ZNF571: variants seen among roughly 807,000 people sequenced by gnomAD.
ZNF571 encodes the protein zinc finger protein 571.
ZNF571 carries 4 observed loss-of-function variants against 7.7 expected under a neutral mutation model. The observed-to-expected ratio is 0.52, with a 90% CI of 0.25 to 1.18. ZNF571 has a LOEUF of 1.18. ZNF571 is among the 50% of genes most tolerant of loss of function. The pLI is 0.14. For synonymous variants in ZNF571, 251 were observed against 232.4 expected (o/e 1.08, Z -0.73); for missense variants, 704 against 726.9 (o/e 0.97, Z 0.36).
chr19:37,586,698 T>G lies in ZNF571; in HGVS notation c.-22A>C, dbSNP rs1418298563. 1 of 1,614,084 alleles carries G rather than the reference T, an allele frequency of 6.2e-7. No homozygotes were observed. On this transcript the variant is annotated 5_prime_UTR_variant, in exon 2 of 4. Coordinates refer to ENST00000451802, the MANE Select transcript of ZNF571 (RefSeq NM_016536.5). ...GCATGGTTTTTTAGAACTGATCAAT[T>G]TTCTGGGTTCTTCTCCTGGAGGTGT...
Position 37,564,971 on chromosome 19 carries a change from G to C in ZNF571, c.1457C>G (p.Ala486Gly), listed in dbSNP as rs142077997. 9 of 1,612,702 alleles carry C rather than the reference G, an allele frequency of 5.6e-6. No individual in the cohort carries two copies. The highest frequency in any genetic ancestry group is 1.6e-4 in the Middle Eastern group (1 of 6,062). Residue 486 changes from alanine (A) to glycine (G), a missense_variant, in exon 4 of 4, where the codon GCT becomes GGT. Ala to Gly is a moderately conservative substitution (Grantham distance 60). Coordinates refer to ENST00000451802, the MANE Select transcript of ZNF571 (RefSeq NM_016536.5). ...TCTTTGATGATATGTAAGTTGTGTA[G>C]CACGTACAAAGGTCTTCCCACATTC... ...CKECGKTFVR[A>G]TQLTYHQRIH...
At chr19:37,583,878 GCCTTT>G (rs1276072807) in intron 3 of ZNF571, 88 bp downstream of exon 3, 2 of 1,333,806 alleles carry the variant, frequency 1.5e-6, no homozygotes, top group Admixed American at 2.2e-5. Flanking sequence ...TCAAACGTAA[GCCTTT>G]CCTTAGGGAA....
chr19:37,578,362 G>A (rs1198594210), intron 3 of ZNF571, among the ~76,000 whole-genome samples: 1 of 152,128 alleles, frequency 6.6e-6, no homozygotes, highest in Non-Finnish European at 1.5e-5. Flanking sequence ...AACGGTGAGA[G>A]AGTGAGAGTC....
chr19:37,572,978 T>C (rs1038329310), intron 3 of ZNF571, among the ~76,000 whole-genome samples: 4 of 152,236 alleles, frequency 2.6e-5, no homozygotes, highest in African/African-American at 4.8e-5. Flanking sequence ...GTCTCAATAA[T>C]ATTTGTACTA....
At position 37,569,519 on chromosome 19, in the gene ZNF571, T is replaced by C. The variant is rs2042984537; in HGVS notation, c.137-3228A>G. On this transcript the variant is annotated intron_variant, in intron 3 of 3. Coordinates refer to ENST00000451802, the MANE Select transcript of ZNF571 (RefSeq NM_016536.5). This position sits in a 1 kb window ranked among gnomAD's most constrained non-coding sequence, Gnocchi z 4.4. ...CACACTCAAACATAAAACAAGGATG[T>C]CATAAAATTATCTTTGCTATATGTA... Among the ~76,000 whole-genome samples, 1 of 152,198 alleles carries C rather than the reference T, an allele frequency of 6.6e-6. No homozygotes were observed. Among genetic ancestry groups the C allele is most frequent in the African/African-American group, 2.4e-5 (1 of 41,438 alleles).
At chr19:37,586,621 C>T (rs1398680997) in intron 2 of ZNF571, 47 bp downstream of exon 2, 3 of 1,611,664 alleles carry the variant, frequency 1.9e-6, no homozygotes, top group Non-Finnish European at 2.5e-6. Flanking sequence ...GTTCACATTA[C>T]ACAACAAAAT....
chr19:37,571,738 T>C (rs990608391), intron 3 of ZNF571, among the ~76,000 whole-genome samples: 1 of 152,308 alleles, frequency 6.6e-6, no homozygotes, highest in South Asian at 2.1e-4. Flanking sequence ...TCTGTACTAC[T>C]AGCTCGCAGA....
At chr19:37,578,819 C>T (rs961146138) in intron 3 of ZNF571, among the ~76,000 whole-genome samples, 5 of 152,196 alleles carry the variant, frequency 3.3e-5, no homozygotes, top group African/African-American at 1.2e-4. Context: ...CTGCAGCAAC[C>T]GCACCTCCGC....
intron 1 of ZNF571, among the ~76,000 whole-genome samples, chr19:37,593,711 A>C (rs1408026600): frequency 1.3e-5 from 2 of 152,118 alleles, no homozygotes; most frequent in Non-Finnish European, 2.9e-5. Context: ...TCAAAAAGCA[A>C]ACAAACAAAC....
intron 2 of ZNF571, among the ~76,000 whole-genome samples, chr19:37,584,504 C>T (rs2043591930): frequency 6.6e-6 from 1 of 152,092 alleles, no homozygotes; most frequent in Non-Finnish European, 1.5e-5. Context: ...GAATTTTTTT[C>T]CAAACAATGT....
intron 1 of ZNF571, chr19:37,586,946 C>G (rs2043694775): frequency 1.1e-5 from 5 of 453,186 alleles, no homozygotes; most frequent in Non-Finnish European, 1.5e-5. Context: ...ACCCTAGGTG[C>G]TGTTACTTTC....
At chr19:37,584,331 G>C (rs1160764672) in intron 2 of ZNF571, among the ~76,000 whole-genome samples, 1 of 152,164 alleles carries the variant, frequency 6.6e-6, no homozygotes, top group African/African-American at 2.4e-5. Flanking sequence ...TAAAAAGCCA[G>C]ATGTGTGCAG....
chr19:37,576,475 C>G (rs2043246674), intron 3 of ZNF571, among the ~76,000 whole-genome samples: 1 of 152,116 alleles, frequency 6.6e-6, no homozygotes. Flanking sequence ...TACCATACAG[C>G]CACAGAAAAC....
At chr19:37,593,439 C>T (rs1486905766) in intron 1 of ZNF571, among the ~76,000 whole-genome samples, 1 of 152,222 alleles carries the variant, frequency 6.6e-6, no homozygotes. Flanking sequence ...CGCGGTGGCT[C>T]ACGCCTGTAA....
intron 3 of ZNF571, among the ~76,000 whole-genome samples, chr19:37,567,411 G>A (rs1345303187): frequency 6.6e-6 from 1 of 152,118 alleles, no homozygotes; most frequent in Non-Finnish European, 1.5e-5. Flanking sequence ...ATCTTTCAAT[G>A]GTTTACCCTT....
intron 3 of ZNF571, among the ~76,000 whole-genome samples, chr19:37,568,427 C>T (rs1013802650): frequency 6.6e-6 from 1 of 151,368 alleles, no homozygotes; most frequent in East Asian, 2.0e-4. Flanking sequence ...CATAGAAGAA[C>T]AATATGGTTT....
At position 37,584,071 on chromosome 19, in the gene ZNF571, G is replaced by A; in HGVS notation, c.36C>T (p.Ala12=). ...PHLLVTFRDV[A]IDFSQEEWEC... ...CCCATTCCTCCTGAGAGAAGTCAAT[G>A]GCCACATCCCTGAAAGTCACCAACA... is the stretch of plus-strand genomic sequence containing the variant. The change falls in exon 3 of 4, where the codon GCC becomes GCT. Residue 12 remains alanine, a synonymous_variant. Transcript: ENST00000451802. 2 of 1,614,068 alleles carry A rather than the reference G, an allele frequency of 1.2e-6. No individual in the cohort carries two copies. Among genetic ancestry groups the A allele is most frequent in the Non-Finnish European group, 1.7e-6 (2 of 1,179,972 alleles).
chr19:37,577,321 C>A (rs530421127), intron 3 of ZNF571, among the ~76,000 whole-genome samples: 1 of 152,166 alleles, frequency 6.6e-6, no homozygotes, highest in South Asian at 2.1e-4. Flanking sequence ...TTTATTAAAA[C>A]CAGCCTACAT....
intron 3 of ZNF571, among the ~76,000 whole-genome samples, chr19:37,566,977 C>T (rs1005052182): frequency 1.3e-5 from 2 of 152,138 alleles, no homozygotes; most frequent in African/African-American, 4.8e-5. Context: ...TACCACTCCC[C>T]TAATTATTCA....
Sources: gnomAD v4.1 joint callset for allele counts (sites outside exome capture counted in the v4.1 genomes callset) on GRCh38, gnomAD v4.1.1 for gene constraint, Gnocchi (gnomAD v3.1) non-coding constraint, MANE v1.5 for transcripts, NCBI Gene and HGNC (gene_info 2026-07-23, HGNC 2026-07-21) for gene names.